AGPAT5: variants seen among roughly 807,000 people sequenced by gnomAD.
AGPAT5 encodes the protein 1-acyl-sn-glycerol-3-phosphate acyltransferase epsilon.
Under a neutral mutation model 45.6 loss-of-function variants are expected in AGPAT5, and 46 were observed. The observed-to-expected ratio is 1.01, with a 90% CI of 0.80 to 1.29. The LOEUF is 1.29. Ranked by LOEUF, AGPAT5 falls within the 50% of genes most tolerant of loss-of-function variation. The probability of loss-of-function intolerance (pLI) is 0.00; values close to 1 mark genes in which losing one functional copy is unlikely to be tolerated. For missense variants in AGPAT5, 673 were observed against 450.7 expected (o/e 1.49, Z -4.47); for synonymous variants, 272 against 167.0 (o/e 1.63, Z -4.85).
chr8:6,742,403 G>T (rs924701180), intron 5 of AGPAT5, among the ~76,000 whole-genome samples: 1 of 152,172 alleles, frequency 6.6e-6, no homozygotes, highest in East Asian at 1.9e-4. Flanking sequence ...ACCAAATTGG[G>T]AAGTATACAG....
At chr8:6,734,386 G>A (rs907244761) in intron 4 of AGPAT5, among the ~76,000 whole-genome samples, 1 of 151,694 alleles carries the variant, frequency 6.6e-6, no homozygotes, top group African/African-American at 2.4e-5. Context: ...CTACTGGTGA[G>A]CCAGTTTAAG....
Position 6,755,033 on chromosome 8 carries a change from A to G in AGPAT5, c.746-18A>G, listed in dbSNP as rs527632127. The stretch of plus-strand genomic sequence containing the variant: ...TCTAAAATAGTAAAAAAAAAGAATT[A>G]TTTTTGTTCTTTGTTAGAATTTCTC... On this transcript the variant is annotated intron_variant, in intron 6 of 7. Transcript: ENST00000285518. 127 of 1,555,900 alleles carry G rather than the reference A, an allele frequency of 8.2e-5. 1 individual carries two copies. The South Asian group carries it at 1.4e-3, about 17-fold the overall frequency.
At chr8:6,725,943 A>C (rs1222133828) in intron 2 of AGPAT5, among the ~76,000 whole-genome samples, 1 of 152,206 alleles carries the variant, frequency 6.6e-6, no homozygotes, top group African/African-American at 2.4e-5. Context: ...TAGATGAGGT[A>C]TAGAAAGTAA....
intron 1 of AGPAT5, among the ~76,000 whole-genome samples, chr8:6,717,972 T>C (rs1800385664): frequency 6.6e-6 from 1 of 152,260 alleles, no homozygotes; most frequent in African/African-American, 2.4e-5. Context: ...TTCCTATTTC[T>C]CTGCCATTCC....
chr8:6,713,021 C>G (rs757692675), intron 1 of AGPAT5, among the ~76,000 whole-genome samples: 2 of 152,198 alleles, frequency 1.3e-5, no homozygotes, highest in Admixed American at 6.5e-5. Flanking sequence ...GAGTCAGGGT[C>G]TTCTTCTGTC....
At chr8:6,752,224 A>G (rs1307122464) in intron 6 of AGPAT5, among the ~76,000 whole-genome samples, 1 of 152,160 alleles carries the variant, frequency 6.6e-6, no homozygotes. Context: ...CCCAAAGAAG[A>G]AGGAAAAATC....
intron 4 of AGPAT5, 35 bp downstream of exon 4, chr8:6,732,685 C>G (rs1360265053): frequency 2.0e-6 from 3 of 1,465,676 alleles, no homozygotes; most frequent in East Asian, 2.3e-5. Context: ...TTCTTACCAG[C>G]TCTCAGTTTC....
At position 6,759,103 on chromosome 8, in the gene AGPAT5, T is replaced by C. The variant is rs1287395127; in HGVS notation, c.*1715T>C. The C allele has an allele frequency of 2.0e-5, 3 of 152,238 alleles. No homozygotes were observed. Among genetic ancestry groups the C allele is most frequent in the African/African-American group, 7.2e-5 (3 of 41,458 alleles). The allele number at this position is 152,238 out of a possible 1,614,324, so 9.4% of individuals were successfully genotyped here. A position where few individuals can be genotyped will look rare whatever the true frequency, so the allele number is the denominator to read the frequency against. Reference sequence around the variant, plus strand: ...TATAGTTGGCCTAATAATCGGGGCATGGGTAAAACTTATGAAAATTTCCTC... The same window carrying C: ...TATAGTTGGCCTAATAATCGGGGCACGGGTAAAACTTATGAAAATTTCCTC... On this transcript the variant is annotated 3_prime_UTR_variant, in exon 8 of 8. Coordinates refer to ENST00000285518, the MANE Select transcript of AGPAT5 (RefSeq NM_018361.5).
intron 6 of AGPAT5, 112 bp downstream of exon 6, chr8:6,747,940 T>G: frequency 9.4e-7 from 1 of 1,061,460 alleles, no homozygotes; most frequent in Non-Finnish European, 1.3e-6. Flanking sequence ...CTTCATTACA[T>G]TTACCCGGTA....
chr8:6,733,100 C>T (rs1292454672), intron 4 of AGPAT5, among the ~76,000 whole-genome samples: 4 of 152,202 alleles, frequency 2.6e-5, no homozygotes, highest in African/African-American at 7.2e-5. Flanking sequence ...AATGTTAAAT[C>T]ATTCAGTGTA....
chr8:6,719,966 G>C (rs1800448671), intron 1 of AGPAT5, among the ~76,000 whole-genome samples: 1 of 152,226 alleles, frequency 6.6e-6, no homozygotes. Flanking sequence ...AGAAGACCAA[G>C]TTGTATTGAT....
At chr8:6,750,071 C>G (rs568549295) in intron 6 of AGPAT5, among the ~76,000 whole-genome samples, 37 of 152,330 alleles carry the variant, frequency 2.4e-4, no homozygotes, top group Non-Finnish European at 2.8e-4. Context: ...CAGGAAACCA[C>G]CCTCTCTTTT....
chr8:6,757,566 C>G lies in AGPAT5; in HGVS notation c.*178C>G. On this transcript the variant is annotated 3_prime_UTR_variant, in exon 8 of 8. Coordinates refer to ENST00000285518, the MANE Select transcript of AGPAT5 (RefSeq NM_018361.5). The stretch of plus-strand genomic sequence containing the variant: ...ATGCAATGGTCTTGGGCAAACATAC[C>G]TGGTTGTACAACTTTAGCATCGGGG... The G allele has an allele frequency of 1.7e-6, 1 of 584,378 alleles. No homozygotes were observed. Among genetic ancestry groups the G allele is most frequent in the South Asian group, 2.2e-5 (1 of 45,026 alleles). The allele number at this position is 584,378 out of a possible 1,614,324, so 36.2% of individuals were successfully genotyped here. A position where few individuals can be genotyped will look rare whatever the true frequency, so the allele number is the denominator to read the frequency against.
At chr8:6,745,006 C>A (rs1801387457) in intron 5 of AGPAT5, among the ~76,000 whole-genome samples, 1 of 152,212 alleles carries the variant, frequency 6.6e-6, no homozygotes, top group African/African-American at 2.4e-5. Flanking sequence ...TATTTTTCTC[C>A]TTTTGACTAC....
intron 4 of AGPAT5, chr8:6,738,331 C>G (rs1587040532): frequency 1.3e-5 from 2 of 152,208 alleles, no homozygotes; most frequent in Middle Eastern, 6.8e-3. Flanking sequence ...TAGGGAAACC[C>G]AAGGGGCGGT....
At chr8:6,725,012 T>A in intron 2 of AGPAT5, 73 bp downstream of exon 2, 1 of 507,298 alleles carries the variant, frequency 2.0e-6, no homozygotes, top group East Asian at 4.0e-5. Context: ...ACCGTTCTTA[T>A]ATTTAAATGA....
intron 4 of AGPAT5, among the ~76,000 whole-genome samples, chr8:6,733,931 G>T (rs921761372): frequency 9.9e-5 from 15 of 152,142 alleles, no homozygotes; most frequent in African/African-American, 3.4e-4. Flanking sequence ...CATGAATATA[G>T]CTGCCAGTGG....
At chr8:6,744,208 A>C (rs190338443) in intron 5 of AGPAT5, among the ~76,000 whole-genome samples, 1 of 152,210 alleles carries the variant, frequency 6.6e-6, no homozygotes, top group Non-Finnish European at 1.5e-5. Flanking sequence ...AAGAGATACA[A>C]ATGACCCACA....
At chr8:6,712,578 C>G (rs1013566735) in intron 1 of AGPAT5, among the ~76,000 whole-genome samples, 2 of 152,076 alleles carry the variant, frequency 1.3e-5, no homozygotes, top group Non-Finnish European at 2.9e-5. Flanking sequence ...TATCCTTGAG[C>G]TGGAGTTTAA....
Sources: allele counts gnomAD v4.1 joint callset (sites outside exome capture counted in the v4.1 genomes callset), GRCh38; gene constraint gnomAD v4.1.1; transcripts MANE v1.5; gene names NCBI Gene and HGNC (gene_info 2026-07-23, HGNC 2026-07-21).